Variants in ZNF185 observed in about 807,000 individuals in gnomAD.
The protein encoded by ZNF185 is zinc finger protein 185.
Under a neutral mutation model 58.6 loss-of-function variants are expected in ZNF185, and 56 were observed. The ratio of observed to expected loss-of-function variants is 0.95; its 90% CI spans 0.77 to 1.19. The LOEUF (loss-of-function observed/expected upper bound fraction) is 1.19, where lower values mean the gene tolerates loss of function less well. ZNF185 is among the 50% of genes most tolerant of loss of function. ZNF185 has a pLI of 0.00. For missense variants in ZNF185, 627 were observed against 573.5 expected (o/e 1.09, Z -0.95); for synonymous variants, 230 against 215.9 (o/e 1.07, Z -0.57).
intron 7 of ZNF185, 132 bp downstream of exon 8, chrX:152,919,213 G>A (rs1569493948): frequency 2.0e-6 from 1 of 509,770 alleles, no homozygotes; most frequent in Non-Finnish European, 3.4e-6. Context: ...GGTAGCCCAC[G>A]GAGCATGAGA....
At chrX:152,906,851 C>T in the ZNF185 span, among the ~76,000 whole-genome samples, 1 of 110,802 alleles carries the variant, frequency 9.0e-6, no homozygotes, top group Admixed American at 9.6e-5. Context: ...TGAGACAAGC[C>T]CTGACACCTG....
chrX:152,921,421 T>C (rs1048393981), intron 9 of ZNF185, among the ~76,000 whole-genome samples: 4 of 109,063 alleles, frequency 3.7e-5, no homozygotes, highest in Non-Finnish European at 5.7e-5. Flanking sequence ...AGGGCCCCAG[T>C]GCACAGGCCC....
At chrX:152,960,609 C>G (rs1372461554) in intron 17 of ZNF185, among the ~76,000 whole-genome samples, 1 of 112,507 alleles carries the variant, frequency 8.9e-6, no homozygotes, top group Non-Finnish European at 1.9e-5. Flanking sequence ...GCTGTAAGAA[C>G]TTTCCCAATT....
chrX:152,913,997 C>T (rs1937796313), upstream of ZNF185, among the ~76,000 whole-genome samples: 1 of 110,919 alleles, frequency 9.0e-6, no homozygotes, highest in Admixed American at 9.5e-5. Context: ...AGCAGCTGGT[C>T]CCCCAGCCCG....
intron 16 of ZNF185, among the ~76,000 whole-genome samples, chrX:152,947,598 G>A (rs781959298): frequency 3.6e-5 from 4 of 112,048 alleles, no homozygotes; most frequent in Non-Finnish European, 7.5e-5. Flanking sequence ...AGCCAGTGAT[G>A]TCCAGTAGGC....
upstream of ZNF185, among the ~76,000 whole-genome samples, chrX:152,913,448 C>A (rs1224296297): frequency 8.9e-6 from 1 of 112,622 alleles, no homozygotes; most frequent in Non-Finnish European, 1.9e-5. Flanking sequence ...GAGGGCAGCA[C>A]TGGGCTCAAG....
chrX:152,933,108 C>A (rs1214657114), intron 14 of ZNF185, 137 bp downstream of exon 15: 4 of 411,842 alleles, frequency 9.7e-6, no homozygotes, highest in African/African-American at 7.7e-5. Context: ...TCCCACACTC[C>A]CACATTCCAC....
intron 16 of ZNF185, 70 bp from the exon 19 acceptor site, chrX:152,959,629 C>A: frequency 9.2e-7 from 1 of 1,087,190 alleles, no homozygotes; most frequent in Non-Finnish European, 1.2e-6. Context: ...TGACAGCCAG[C>A]CTACCTGCCA....
intron 16 of ZNF185, among the ~76,000 whole-genome samples, chrX:152,951,314 T>C (rs781906182): frequency 8.9e-6 from 1 of 111,819 alleles, no homozygotes; most frequent in Non-Finnish European, 1.9e-5. Flanking sequence ...ACAAGTATAA[T>C]ATTTGATATT....
chrX:152,932,738 C>A, intron 13 of ZNF185, 135 bp from the exon 15 acceptor site: 1 of 462,036 alleles, frequency 2.2e-6, no homozygotes. Context: ...GGGCTTGGCT[C>A]AGCTCTGGTC....
chrX:152,918,000 G>A, intron 5 of ZNF185, 65 bp from the exon 7 acceptor site: 1 of 1,164,472 alleles, frequency 8.6e-7, no homozygotes. Context: ...CCACTGGGCT[G>A]TGTGGCCAAA....
chrX:152,938,773 C>T (rs2046695550), intron 15 of ZNF185, among the ~76,000 whole-genome samples: 2 of 109,824 alleles, frequency 1.8e-5, no homozygotes, highest in Admixed American at 1.9e-4. Flanking sequence ...AACCCAAAAG[C>T]CTGGAGCCTA....
intron 20 of ZNF185, 137 bp from the exon 23 acceptor site, chrX:152,969,245 C>G: frequency 2.0e-6 from 1 of 496,247 alleles, no homozygotes; most frequent in East Asian, 3.7e-5. Flanking sequence ...GTGCTGCACA[C>G]CACAGAAAAC....
upstream of ZNF185, among the ~76,000 whole-genome samples, chrX:152,911,848 CCCATT>C (rs1937412067): frequency 2.4e-5 from 2 of 85,038 alleles, no homozygotes; most frequent in African/African-American, 9.0e-5. Context: ...CCCATCCCAT[CCCATT>C]CCATCCATCC....
At chrX:152,973,429 A>T (rs1397034524) in exon 23 of ZNF185, 5 of 112,661 alleles carry the variant, frequency 4.4e-5, no homozygotes, top group African/African-American at 1.6e-4. Context: ...AATCATACTT[A>T]ATCCACACTA....
At chrX:152,933,801 T>C (rs2045968163) in intron 14 of ZNF185, among the ~76,000 whole-genome samples, 1 of 112,498 alleles carries the variant, frequency 8.9e-6, no homozygotes, top group Admixed American at 9.4e-5. Flanking sequence ...GAGGGAATCC[T>C]GTGGGGAAGG....
At chrX:152,916,536 T>C (rs958683204) in intron 3 of ZNF185, among the ~76,000 whole-genome samples, 4 of 111,670 alleles carry the variant, frequency 3.6e-5, no homozygotes, top group Non-Finnish European at 7.5e-5. Context: ...CGCCCTCTCG[T>C]CTCAAACTTC....
Position 152,918,170 on chromosome X carries a change from C to G in ZNF185, c.431+16C>G. 1 of 1,180,880 alleles carries G rather than the reference C, an allele frequency of 8.5e-7. No homozygotes were observed. Among genetic ancestry groups the G allele is most frequent in the Non-Finnish European group, 1.1e-6 (1 of 879,291 alleles). On this transcript the variant is annotated intron_variant, in intron 6 of 22. Transcript: ENST00000449285. ...ACAAGAAGCTGTGAGTATGCAACGC[C>G]AGGCTCAGCGTGGTTCCCTCCTCCA...
intron 5 of ZNF185, 64 bp downstream of exon 6, chrX:152,917,426 T>C (rs1227544944): frequency 7.9e-6 from 9 of 1,142,653 alleles, no homozygotes; most frequent in Non-Finnish European, 9.6e-6. Flanking sequence ...TCTGGGCTCC[T>C]GGCAGAGACA....
Sources: allele counts gnomAD v4.1 joint callset (sites outside exome capture counted in the v4.1 genomes callset), GRCh38; gene constraint gnomAD v4.1.1; transcripts MANE v1.5; gene names NCBI Gene and HGNC (gene_info 2026-07-23, HGNC 2026-07-21).